The following IL1RAPL1 variants were observed in gnomAD, a reference collection of about 807,000 sequenced individuals.
The protein encoded by IL1RAPL1 is interleukin 1 receptor accessory protein like 1.
Under a neutral mutation model 48.4 loss-of-function variants are expected in IL1RAPL1, and 3 were observed. The observed-to-expected ratio is 0.06, with a 90% confidence interval of 0.03 to 0.16. IL1RAPL1 has a LOEUF of 0.16. Ranked by LOEUF, IL1RAPL1 falls within the 10% of genes least tolerant of loss-of-function variation. The pLI, the probability that IL1RAPL1 is intolerant of heterozygous loss-of-function variation, is 1.00. For missense variants in IL1RAPL1, 349 were observed against 530.6 expected (o/e 0.66, Z 3.36); for synonymous variants, 185 against 187.7 (o/e 0.99, Z 0.12).
At chrX:28,640,871 A>G (rs889590208) in intron 1 of IL1RAPL1, among the ~76,000 whole-genome samples, 1 of 110,963 alleles carries the variant, frequency 9.0e-6, no homozygotes, top group Admixed American at 9.6e-5. Context: ...TACCAGTATT[A>G]CTTATCTATG....
intron 6 of IL1RAPL1, among the ~76,000 whole-genome samples, chrX:29,915,814 A>G (rs1932795599): frequency 1.2e-5 from 1 of 85,623 alleles, no homozygotes; most frequent in Non-Finnish European, 2.2e-5. Flanking sequence ...TTAGTTACAT[A>G]TGTATACATG....
chrX:29,144,603 CA>C (rs1235048808), intron 2 of IL1RAPL1, among the ~76,000 whole-genome samples: 880 of 21,825 alleles, frequency 0.04, 9 homozygotes, highest in African/African-American at 0.11. Flanking sequence ...AACTCAGTCT[CA>C]AAAAAAAAAA....
rs1008402497 is a variant in IL1RAPL1, at chrX:28,829,708, C to T, written c.82+40283C>T. ...CGGAGTAGCTGGGATTACAGGCACC[C>T]GCCACCATGCCCAGCTAATTTTTGT... On this transcript the variant is annotated intron_variant, in intron 2 of 10. Transcript: ENST00000378993. Among the ~76,000 whole-genome samples, 4 of 109,215 alleles carry T rather than the reference C, an allele frequency of 3.7e-5. No homozygotes were observed. In the East Asian group the frequency reaches 8.7e-4, roughly 24 times the overall value. The allele number at this position is 109,215 out of a possible 115,157, so 94.8% of individuals were successfully genotyped here.
intron 1 of IL1RAPL1, among the ~76,000 whole-genome samples, chrX:28,779,628 G>GTATA (rs1213588501): frequency 1.8e-5 from 1 of 56,258 alleles, no homozygotes; most frequent in Non-Finnish European, 3.2e-5. Flanking sequence ...ATGTGTGTGT[G>GTATA]TGTGTGTATA....
At chrX:29,645,351 A>C (rs1427862083) in intron 5 of IL1RAPL1, among the ~76,000 whole-genome samples, 4 of 111,736 alleles carry the variant, frequency 3.6e-5, no homozygotes, top group Non-Finnish European at 5.6e-5. Flanking sequence ...ATGCTAAGAA[A>C]AGACGCATCA....
At chrX:28,759,120 C>G (rs991229197) in intron 1 of IL1RAPL1, among the ~76,000 whole-genome samples, 5 of 110,880 alleles carry the variant, frequency 4.5e-5, no homozygotes, top group African/African-American at 1.6e-4. Flanking sequence ...CACCTGTAAT[C>G]CCAGCTACTC....
At chrX:29,150,400 C>T (rs1929438829) in intron 2 of IL1RAPL1, among the ~76,000 whole-genome samples, 1 of 111,062 alleles carries the variant, frequency 9.0e-6, no homozygotes, top group Non-Finnish European at 1.9e-5. Context: ...GCAGCAGCAG[C>T]TAACATTTCT....
Position 29,002,916 on chromosome X carries a change from TACAC to T in IL1RAPL1, c.82+213514_82+213517del, listed in dbSNP as rs371924976. Among the ~76,000 whole-genome samples, 148 of 102,989 alleles carry T rather than the reference TACAC, an allele frequency of 1.4e-3. No homozygotes were observed. In the Middle Eastern group the frequency reaches 0.03, roughly 21 times the overall value. 89.4% of individuals were successfully genotyped at this position (102,989 alleles called of 115,157 possible). A position where few individuals can be genotyped will look rare whatever the true frequency, so the allele number is the denominator to read the frequency against. On this transcript the variant is annotated intron_variant, in intron 2 of 10. Coordinates refer to ENST00000378993, the MANE Select transcript of IL1RAPL1 (RefSeq NM_014271.4). ...TAAGGAAATCAACCAGTTATGTGTG[TACAC>T]ACACACACACACACACACACACGAT...
chrX:29,412,745 C>T lies in IL1RAPL1; in HGVS notation c.703+13437C>T, dbSNP rs185996472. Among the ~76,000 whole-genome samples the T allele has an allele frequency of 5.9e-3, 658 of 111,904 alleles. 5 individuals are homozygous for T. Among genetic ancestry groups the T allele is most frequent in the Admixed American group, 7.9e-3 (83 of 10,533 alleles). On this transcript the variant is annotated intron_variant, in intron 5 of 10. Transcript: ENST00000378993. Reference sequence around the variant, plus strand: ...CAAGCATCTAAGGGTTGTCTTAGTTCCATTGGTGGAGCTGCCATGCCTGGG... The same window carrying T: ...CAAGCATCTAAGGGTTGTCTTAGTTTCATTGGTGGAGCTGCCATGCCTGGG...
intron 6 of IL1RAPL1, among the ~76,000 whole-genome samples, chrX:29,754,129 C>T (rs1928556437): frequency 8.9e-6 from 1 of 111,756 alleles, no homozygotes; most frequent in African/African-American, 3.3e-5. Flanking sequence ...TCTACTCCTT[C>T]AAGTGCGTTT....
chrX:29,046,184 A>G (rs1282176714), intron 2 of IL1RAPL1, among the ~76,000 whole-genome samples: 3 of 108,677 alleles, frequency 2.8e-5, no homozygotes, highest in African/African-American at 1.0e-4. Flanking sequence ...AGTTGCTGGG[A>G]CTATAGGCAT....
intron 1 of IL1RAPL1, among the ~76,000 whole-genome samples, chrX:28,779,634 G>GTGTATATA (rs1374982138): frequency 2.6e-5 from 1 of 38,343 alleles, no homozygotes; most frequent in Non-Finnish European, 4.5e-5. Context: ...GTGTGTGTGT[G>GTGTATATA]TATATATATA....
At chrX:28,662,126 T>A (rs1443449118) in intron 1 of IL1RAPL1, among the ~76,000 whole-genome samples, 2 of 110,042 alleles carry the variant, frequency 1.8e-5, no homozygotes, top group African/African-American at 3.3e-5. Context: ...AGGGCTTGAG[T>A]GTGGCCTGTG....
intron 2 of IL1RAPL1, among the ~76,000 whole-genome samples, chrX:28,954,762 GAAC>G (rs1448061522): frequency 9.0e-6 from 1 of 111,344 alleles, no homozygotes; most frequent in East Asian, 2.8e-4. Flanking sequence ...AAAAGATTCT[GAAC>G]AACGTGAACC....
intron 6 of IL1RAPL1, among the ~76,000 whole-genome samples, chrX:29,673,313 A>G (rs1044211578): frequency 1.8e-5 from 2 of 111,864 alleles, no homozygotes; most frequent in Non-Finnish European, 3.8e-5. Context: ...GTGTCATGTA[A>G]TACTGTTGAG....
intron 1 of IL1RAPL1, among the ~76,000 whole-genome samples, chrX:28,699,242 TA>T (rs1225748602): frequency 1.8e-5 from 2 of 112,300 alleles, no homozygotes; most frequent in Non-Finnish European, 3.8e-5. Context: ...CCCTGTATTC[TA>T]TTTAATACTT....
At chrX:28,641,242 G>A (rs1294548215) in intron 1 of IL1RAPL1, among the ~76,000 whole-genome samples, 2 of 109,311 alleles carry the variant, frequency 1.8e-5, no homozygotes, top group Non-Finnish European at 3.8e-5. Flanking sequence ...AGGCCCCAGT[G>A]TGTGACGTTC....
intron 3 of IL1RAPL1, among the ~76,000 whole-genome samples, chrX:29,304,302 A>G (rs981987353): frequency 1.8e-5 from 2 of 111,241 alleles, no homozygotes; most frequent in African/African-American, 3.3e-5. Flanking sequence ...TTATACCCAC[A>G]TGAATATCCA....
chrX:28,991,722 GAGAT>G (rs979435845), intron 2 of IL1RAPL1, among the ~76,000 whole-genome samples: 2 of 112,035 alleles, frequency 1.8e-5, no homozygotes, highest in Non-Finnish European at 3.8e-5. Flanking sequence ...TGAGAGTTCT[GAGAT>G]AGAATTTTAT....
Sources: allele counts gnomAD v4.1 joint callset (sites outside exome capture counted in the v4.1 genomes callset), GRCh38; gene constraint gnomAD v4.1.1; transcripts MANE v1.5; gene names NCBI Gene and HGNC (gene_info 2026-07-23, HGNC 2026-07-21).